Variants in ZSCAN5A observed in about 807,000 individuals in gnomAD.
ZSCAN5A encodes zinc finger and SCAN domain containing 5A, also known as zinc finger and SCAN domain-containing protein 5A.
ZSCAN5A carries 12 observed loss-of-function variants against 23.7 expected under a neutral mutation model. The observed-to-expected ratio is 0.51, with a 90% confidence interval of 0.32 to 0.82. ZSCAN5A has a LOEUF of 0.82. ZSCAN5A is among the 40% of genes least tolerant of loss of function. The pLI is 0.03. For synonymous variants in ZSCAN5A, 257 were observed against 239.9 expected, an observed-to-expected ratio of 1.07 and a Z score of -0.66; for missense variants, 597 against 617.9, an observed-to-expected ratio of 0.97 and a Z score of 0.36.
intron 2 of ZSCAN5A, among the ~76,000 whole-genome samples, chr19:56,300,761 T>C (rs192002359): frequency 4.6e-5 from 7 of 152,340 alleles, no homozygotes; most frequent in African/African-American, 1.4e-4. Flanking sequence ...TAATGTTTTA[T>C]TTTTTGATTG....
chr19:56,245,759 C>T (rs547369852), intron 2 of ZSCAN5A, among the ~76,000 whole-genome samples: 51 of 152,278 alleles, frequency 3.3e-4, no homozygotes, highest in African/African-American at 1.2e-3. Flanking sequence ...CAGCAAGGAG[C>T]GCACTTTCTA....
intron 4 of ZSCAN5A, 111 bp from the exon 5 acceptor site, chr19:56,222,852 G>A (rs1288816486): frequency 6.8e-7 from 1 of 1,466,406 alleles, no homozygotes; most frequent in African/African-American, 1.4e-5. Context: ...ACACAGGTGT[G>A]GAAATACGTG....
intron 2 of ZSCAN5A, among the ~76,000 whole-genome samples, chr19:56,262,871 C>T (rs1345897249): frequency 2.6e-5 from 4 of 152,120 alleles, no homozygotes; most frequent in African/African-American, 4.8e-5. Flanking sequence ...CTATTGTTGA[C>T]GGACACTTGG....
Position 56,285,701 on chromosome 19 carries a change from G to A in ZSCAN5A, c.-128+27582C>T, listed in dbSNP as rs750271536. Among the ~76,000 whole-genome samples the A allele has an allele frequency of 5.3e-5, 8 of 152,004 alleles. No homozygotes were observed. The South Asian group carries it at 8.3e-4, about 16-fold the overall frequency. On this transcript the variant is annotated intron_variant, in intron 2 of 5. Transcript: ENST00000683990. ...TCACTATGTCGGCCAGGCTGGTCTC[G>A]AACTCCTGACCTCGTGATCCGCCCG...
At chr19:56,361,764 T>C (rs1289724471) in intron 2 of ZSCAN5A, among the ~76,000 whole-genome samples, 1 of 152,090 alleles carries the variant, frequency 6.6e-6, no homozygotes, top group African/African-American at 2.4e-5. Flanking sequence ...CCAGGTTTAA[T>C]ACCTAGGTGA....
At chr19:56,244,020 G>A (rs544999180) in intron 2 of ZSCAN5A, 3 of 793,320 alleles carry the variant, frequency 3.8e-6, no homozygotes, top group Non-Finnish European at 6.3e-6. Context: ...CTCAGAGACT[G>A]ACTGAAATAT....
intron 2 of ZSCAN5A, 196 bp from the exon 3 acceptor site, chr19:56,225,369 C>T (rs2033821195): frequency 3.6e-6 from 1 of 274,390 alleles, no homozygotes; most frequent in Non-Finnish European, 6.5e-6. Context: ...TCTAGGAAAT[C>T]ACTGTGCAGA....
chr19:56,323,033 T>C (rs2041394115), intron 2 of ZSCAN5A, among the ~76,000 whole-genome samples: 1 of 151,710 alleles, frequency 6.6e-6, no homozygotes, highest in Admixed American at 6.6e-5. Flanking sequence ...TAGCTGGGAT[T>C]ACAGGTGCCC....
chr19:56,276,519 T>TTTTTC (rs2038273570), intron 2 of ZSCAN5A, among the ~76,000 whole-genome samples: 1 of 146,814 alleles, frequency 6.8e-6, no homozygotes, highest in Non-Finnish European at 1.5e-5. Flanking sequence ...TTTTTTTTTT[T>TTTTTC]CCAGTGAGGG....
Position 56,232,891 on chromosome 19 carries a change from A to G in ZSCAN5A, c.-127-7718T>C, listed in dbSNP as rs1212430786. Among the ~76,000 whole-genome samples the G allele has an allele frequency of 2.6e-5, 4 of 152,134 alleles. No homozygotes were observed. In the East Asian group the frequency reaches 7.7e-4, roughly 29 times the overall value. On this transcript the variant is annotated intron_variant, in intron 2 of 5. Transcript: ENST00000683990. The stretch of plus-strand genomic sequence containing the variant: ...GACACCGAGTTTCACCATGTTGCCC[A>G]GGCTGGTCTTTAACTCCTGGACCCA...
chr19:56,356,733 T>C (rs1462477974), intron 2 of ZSCAN5A, among the ~76,000 whole-genome samples: 1 of 148,832 alleles, frequency 6.7e-6, no homozygotes, highest in Non-Finnish European at 1.5e-5. Flanking sequence ...AATTTTTACT[T>C]TTGCCTGCAG....
intron 2 of ZSCAN5A, among the ~76,000 whole-genome samples, chr19:56,244,734 G>C (rs1445987085): frequency 1.3e-5 from 2 of 150,328 alleles, no homozygotes; most frequent in Non-Finnish European, 2.9e-5. Flanking sequence ...ACAGGCAGAG[G>C]GGGTACAGGG....
chr19:56,284,607 C>T (rs575364972), intron 2 of ZSCAN5A, among the ~76,000 whole-genome samples: 13 of 149,786 alleles, frequency 8.7e-5, no homozygotes, highest in East Asian at 2.0e-4. Context: ...CTCTGCCTCC[C>T]GGGTTCATGC....
chr19:56,321,203 ATCT>A (rs2147423308), intron 2 of ZSCAN5A: 2 of 665,260 alleles, frequency 3.0e-6, no homozygotes, highest in Non-Finnish European at 5.7e-6. Context: ...TGAAGTTAAT[ATCT>A]TCTTCTGAAG....
chr19:56,224,405 C>T lies in ZSCAN5A; in HGVS notation c.384+258G>A, dbSNP rs549682696. On this transcript the variant is annotated intron_variant, in intron 3 of 5. Coordinates refer to ENST00000683990, the MANE Select transcript of ZSCAN5A (RefSeq NM_001322064.3). ...ACACCAGGAACTTGCCGTCTCAGCA[C>T]AGCTGATATTGGAATCTGGATGATT... is the stretch of plus-strand genomic sequence containing the variant. The T allele has an allele frequency of 9.5e-5, 54 of 569,710 alleles. No homozygotes were observed. The South Asian group carries it at 1.4e-3, about 14-fold the overall frequency. The allele number at this position is 569,710 out of a possible 1,614,324, so 35.3% of individuals were successfully genotyped here. A position where few individuals can be genotyped will look rare whatever the true frequency, so the allele number is the denominator to read the frequency against.
At chr19:56,312,821 C>A (rs2041124106) in intron 2 of ZSCAN5A, among the ~76,000 whole-genome samples, 1 of 152,158 alleles carries the variant, frequency 6.6e-6, no homozygotes, top group African/African-American at 2.4e-5. Context: ...GTTTGTGTCC[C>A]CATGTCCTCC....
rs1392735017 is a variant in ZSCAN5A at position 56,272,219 on chromosome 19, G to T, written c.-128+41064C>A. Among the ~76,000 whole-genome samples, 3 of 152,312 alleles carry T rather than the reference G, an allele frequency of 2.0e-5. No individual in the cohort carries two copies. The East Asian group carries it at 5.8e-4, about 29-fold the overall frequency. On this transcript the variant is annotated intron_variant, in intron 2 of 5. Transcript: ENST00000683990. Reference sequence around the variant, plus strand: ...ACTTCTGAGTAGAAATACGATAGATGTTGTTTGCTTGCTTTGTTGTTTTTC... The same window carrying T: ...ACTTCTGAGTAGAAATACGATAGATTTTGTTTGCTTGCTTTGTTGTTTTTC...
At chr19:56,317,809 C>T (rs1332377357), upstream of ZSCAN5A, 1 of 152,344 alleles carries the variant, frequency 6.6e-6, no homozygotes, top group African/African-American at 2.4e-5. Flanking sequence ...CTGGCCTTGA[C>T]TATGGGAGTG....
chr19:56,230,142 C>T (rs1043389688), intron 2 of ZSCAN5A, among the ~76,000 whole-genome samples: 3 of 152,114 alleles, frequency 2.0e-5, no homozygotes, highest in Non-Finnish European at 2.9e-5. Flanking sequence ...GACAAAGTGT[C>T]GCTCTGTCAC....
Sources: gnomAD v4.1 joint callset for allele counts (sites outside exome capture counted in the v4.1 genomes callset) on GRCh38, gnomAD v4.1.1 for gene constraint, MANE v1.5 for transcripts, NCBI Gene and HGNC (gene_info 2026-07-23, HGNC 2026-07-21) for gene names.